Variants in CHST9 observed in about 807,000 individuals in gnomAD.
The protein encoded by CHST9 is carbohydrate sulfotransferase 9.
CHST9 carries 41 observed loss-of-function variants against 44.4 expected under a neutral mutation model. The ratio of observed to expected loss-of-function variants is 0.92; its 90% CI spans 0.72 to 1.20. The LOEUF is 1.20. Ranked by LOEUF, CHST9 falls within the 50% of genes most tolerant of loss-of-function variation. The probability of loss-of-function intolerance (pLI) is 0.00; values close to 1 mark genes in which losing one functional copy is unlikely to be tolerated. For synonymous variants in CHST9, 171 were observed against 178.4 expected (o/e 0.96, Z 0.33); for missense variants, 504 against 516.5 (o/e 0.98, Z 0.23).
chr18:27,069,152 T>C (rs2057813147), intron 2 of CHST9, among the ~76,000 whole-genome samples: 1 of 152,202 alleles, frequency 6.6e-6, no homozygotes, highest in Admixed American at 6.5e-5. Flanking sequence ...GGTGTTAGGG[T>C]TAAATAAGTA....
chr18:26,940,815 T>C (rs1218565216), intron 5 of CHST9, among the ~76,000 whole-genome samples: 1 of 152,164 alleles, frequency 6.6e-6, no homozygotes, highest in African/African-American at 2.4e-5. Flanking sequence ...AATAGGGTCT[T>C]TGCAACTGCA....
At chr18:26,978,354 CTTTA>C (rs1052538911) in intron 4 of CHST9, among the ~76,000 whole-genome samples, 7 of 151,758 alleles carry the variant, frequency 4.6e-5, no homozygotes, top group Non-Finnish European at 8.8e-5. Flanking sequence ...TATTTAGATA[CTTTA>C]TTTAGGACTT....
intron 1 of CHST9, among the ~76,000 whole-genome samples, chr18:27,154,300 C>T (rs1271431728): frequency 1.3e-5 from 2 of 151,858 alleles, no homozygotes; most frequent in African/African-American, 2.4e-5. Context: ...TCACAATAAC[C>T]TTGTTTTCTT....
chr18:27,133,049 T>C (rs2058485126), intron 2 of CHST9, among the ~76,000 whole-genome samples: 1 of 152,170 alleles, frequency 6.6e-6, no homozygotes. Context: ...CTGGCCAGGC[T>C]TGGATTAGCC....
intron 1 of CHST9, among the ~76,000 whole-genome samples, chr18:27,163,158 G>C (rs1309245992): frequency 1.3e-5 from 2 of 152,208 alleles, no homozygotes; most frequent in African/African-American, 4.8e-5. Flanking sequence ...GTTGCTGCCT[G>C]ATCGTTCCTC....
In CHST9 at chr18:26,955,018, C is replaced by T. The variant is rs530533901; in HGVS notation, c.203-10652G>A. On this transcript the variant is annotated intron_variant, in intron 4 of 5. Transcript: ENST00000618847. ...GCCTCCAACATATTGAGGGCAGCTG[C>T]TCCTGGCCCTGGTTTGCTCATGAAA... Among the ~76,000 whole-genome samples, 7 of 152,176 alleles carry T rather than the reference C, an allele frequency of 4.6e-5. No homozygotes were observed. In the South Asian group the frequency reaches 1.5e-3, roughly 32 times the overall value.
chr18:26,973,100 G>A (rs1786632), intron 4 of CHST9, among the ~76,000 whole-genome samples: 1 of 151,940 alleles, frequency 6.6e-6, no homozygotes, highest in Non-Finnish European at 1.5e-5. Context: ...CCGTTGGAGA[G>A]GCTTTCCCTG....
rs758963483 is a variant in CHST9, at chr18:26,917,058, C to T, written c.533G>A (p.Arg178Gln). The change falls in exon 6 of 6, where the codon CGA (arginine) becomes CAA (glutamine). Residue 178 changes from arginine to glutamine, a missense_variant. By Grantham distance (43) the Arg-to-Gln change is conservative. Coordinates refer to ENST00000618847, the MANE Select transcript of CHST9 (RefSeq NM_031422.6). Reference sequence around the variant, plus strand: ...GCAAAACTCCTGAAGGAAAGACCTTCGTTTCTCTTGGGTCTCCTCAGTTTT... The same window carrying T: ...GCAAAACTCCTGAAGGAAAGACCTTTGTTTCTCTTGGGTCTCCTCAGTTTT... Reference protein sequence around the residue: ...WKKTEETQEKRRSFLQEFCKK... With the variant: ...WKKTEETQEKQRSFLQEFCKK... 23 of 1,613,870 alleles carry T rather than the reference C, an allele frequency of 1.4e-5. No individual in the cohort carries two copies. The highest frequency in any genetic ancestry group is 2.2e-5 in the South Asian group (2 of 91,078).
chr18:27,144,234 T>C (rs1050546283), intron 1 of CHST9, among the ~76,000 whole-genome samples: 1 of 152,230 alleles, frequency 6.6e-6, no homozygotes, highest in African/African-American at 2.4e-5. Context: ...ATCTCTTCTA[T>C]TCCATTGCCT....
intron 4 of CHST9, among the ~76,000 whole-genome samples, chr18:26,960,395 A>G (rs1455576029): frequency 6.6e-6 from 1 of 152,252 alleles, no homozygotes; most frequent in Non-Finnish European, 1.5e-5. Context: ...CTAAGCTACC[A>G]CAAGGATTTA....
chr18:27,035,721 T>A (rs2057384071), intron 3 of CHST9, among the ~76,000 whole-genome samples: 1 of 152,132 alleles, frequency 6.6e-6, no homozygotes, highest in African/African-American at 2.4e-5. Flanking sequence ...TTCTACATAA[T>A]CTCAATTATA....
At position 26,910,174 on chromosome 18, in the gene CHST9, A is replaced by G. The variant is rs951157728; in HGVS notation, c.*6085T>C. ...CAGTGGCTACGACAGAAAGATGCCA[A>G]AAAAAGGTACTGGATTTCTCCCAAC... On this transcript the variant is annotated 3_prime_UTR_variant, in exon 6 of 6. Transcript: ENST00000618847. The G allele has an allele frequency of 6.6e-6, 1 of 152,168 alleles. No individual in the cohort carries two copies. Among genetic ancestry groups the G allele is most frequent in the African/African-American group, 2.4e-5 (1 of 41,446 alleles). 9.4% of individuals were successfully genotyped at this position (152,168 alleles called of 1,614,324 possible). A position where few individuals can be genotyped will look rare whatever the true frequency, so the allele number is the denominator to read the frequency against.
Position 26,910,411 on chromosome 18 carries a change from C to G in CHST9, c.*5848G>C, listed in dbSNP as rs967010234. 4 of 152,228 alleles carry G rather than the reference C, an allele frequency of 2.6e-5. No individual in the cohort carries two copies. The allele number at this position is 152,228 out of a possible 1,614,324, so 9.4% of individuals were successfully genotyped here. The stretch of plus-strand genomic sequence containing the variant: ...GAAGCTTGGCGGGGGAAGGAATACA[C>G]TCTTCAGAGCAGGACTTGAAAAGTG... On this transcript the variant is annotated 3_prime_UTR_variant, in exon 6 of 6. Transcript: ENST00000618847.
chr18:26,972,717 A>G (rs1009327655), intron 4 of CHST9, among the ~76,000 whole-genome samples: 2 of 152,166 alleles, frequency 1.3e-5, no homozygotes, highest in African/African-American at 4.8e-5. Flanking sequence ...GAGGGTAAAG[A>G]TGGAGGCAGG....
chr18:27,060,513 G>A (rs1221803941), intron 2 of CHST9, among the ~76,000 whole-genome samples: 8 of 152,186 alleles, frequency 5.3e-5, no homozygotes, highest in Admixed American at 5.2e-4. Context: ...AGGAAGGAGA[G>A]TGGGAATGTT....
chr18:27,076,969 A>G (rs1241187089), intron 2 of CHST9, among the ~76,000 whole-genome samples: 1 of 152,228 alleles, frequency 6.6e-6, no homozygotes, highest in African/African-American at 2.4e-5. Context: ...CATACAAGGC[A>G]TAACTGCAAA....
chr18:27,117,209 A>G (rs1312003552), intron 2 of CHST9, among the ~76,000 whole-genome samples: 1 of 152,170 alleles, frequency 6.6e-6, no homozygotes, highest in African/African-American at 2.4e-5. Context: ...ACCCTATGTC[A>G]GGCCTTGTGC....
chr18:27,073,333 A>G lies in CHST9; in HGVS notation c.122-24830T>C, dbSNP rs2057862157. ...CTAGGATCTCCTAAGGAGACAACCC[A>G]GGATAAGAATGATGCCACTGCTGGG... On this transcript the variant is annotated intron_variant, in intron 2 of 5. Transcript: ENST00000618847. Among the ~76,000 whole-genome samples the G allele has an allele frequency of 2.1e-5, 3 of 143,106 alleles. No homozygotes were observed. In the Admixed American group the frequency reaches 2.3e-4, roughly 11 times the overall value. 93.9% of individuals were successfully genotyped at this position (143,106 alleles called of 152,430 possible).
intron 4 of CHST9, among the ~76,000 whole-genome samples, chr18:26,992,347 GTTTA>G (rs2056827445): frequency 1.0e-5 from 1 of 98,818 alleles, no homozygotes; most frequent in Admixed American, 1.2e-4. Context: ...CTTTAAAGGA[GTTTA>G]TAATCACTGA....
Sources: gnomAD v4.1 joint callset for allele counts (sites outside exome capture counted in the v4.1 genomes callset) on GRCh38, gnomAD v4.1.1 for gene constraint, MANE v1.5 for transcripts, NCBI Gene and HGNC (gene_info 2026-07-23, HGNC 2026-07-21) for gene names.